Variants in USP10 observed in about 807,000 individuals in gnomAD.
USP10 encodes the protein ubiquitin specific peptidase 10, also known as ubiquitin carboxyl-terminal hydrolase 10.
In USP10, 22 loss-of-function variants were observed where a neutral mutation model predicts 84.5. That is an observed-to-expected ratio of 0.26 (90% CI 0.19 to 0.37). USP10 has a LOEUF of 0.37. Among genes scored for constraint, USP10 ranks in the 10% least tolerant of loss-of-function variants. The pLI is 1.00. For missense variants in USP10, 1,019 were observed against 998.9 expected, an observed-to-expected ratio of 1.02 and a Z score of -0.27; for synonymous variants, 454 against 387.6, an observed-to-expected ratio of 1.17 and a Z score of -2.01.
At chr16:84,754,749 C>T (rs74814974) in intron 4 of USP10, among the ~76,000 whole-genome samples, 3,437 of 152,228 alleles carry the variant, frequency 0.023, 116 homozygotes, top group African/African-American at 0.077. Context: ...GGAAAAAAGT[C>T]GGTTTATAGT....
At chr16:84,707,816 C>T (rs1184124744) in intron 1 of USP10, among the ~76,000 whole-genome samples, 2 of 152,026 alleles carry the variant, frequency 1.3e-5, no homozygotes, top group African/African-American at 2.4e-5. Context: ...GAGTGACTCA[C>T]GCCTGTAATC....
intron 1 of USP10, among the ~76,000 whole-genome samples, chr16:84,702,687 AAGTT>A (rs1597253532): frequency 6.6e-6 from 1 of 152,170 alleles, no homozygotes; most frequent in Admixed American, 6.6e-5. Context: ...GAGGTGGAAA[AAGTT>A]ACAGTTTAAA....
At chr16:84,737,534 G>T (rs1910089737) in intron 2 of USP10, among the ~76,000 whole-genome samples, 1 of 152,204 alleles carries the variant, frequency 6.6e-6, no homozygotes, top group African/African-American at 2.4e-5. Context: ...CATTTCCACA[G>T]TGCCACAACC....
intron 7 of USP10, 95 bp downstream of exon 7, chr16:84,760,041 A>G (rs969008896): frequency 9.8e-6 from 15 of 1,538,382 alleles, no homozygotes; most frequent in Middle Eastern, 3.4e-4. Context: ...TTGGGAAGAT[A>G]GTGTCTTTAC....
chr16:84,746,468 T>G (rs1911239891), intron 4 of USP10, among the ~76,000 whole-genome samples: 1 of 152,352 alleles, frequency 6.6e-6, no homozygotes, highest in South Asian at 2.1e-4. Flanking sequence ...ACTCCCGGGC[T>G]GCAAACCTGT....
intron 10 of USP10, among the ~76,000 whole-genome samples, chr16:84,766,872 A>AC (rs1391508539): frequency 1.3e-5 from 2 of 152,202 alleles, no homozygotes. Flanking sequence ...TTCTTTATTC[A>AC]CACCAATTGA....
At chr16:84,723,027 G>C (rs1359133623) in intron 1 of USP10, among the ~76,000 whole-genome samples, 1 of 152,116 alleles carries the variant, frequency 6.6e-6, no homozygotes, top group Non-Finnish European at 1.5e-5. Context: ...AATACAGGAT[G>C]CATGCCTGCT....
Position 84,772,191 on chromosome 16 carries a change from A to G in USP10, c.1999-350A>G, listed in dbSNP as rs548177344. On this transcript the variant is annotated intron_variant, in intron 11 of 13. Coordinates refer to ENST00000219473, the MANE Select transcript of USP10 (RefSeq NM_005153.3). ...CTCTGCCACCCAGGTAGCTGGGGTT[A>G]CAGGCGCCCACCACCACGCCTGGCT... is the stretch of plus-strand genomic sequence containing the variant. Among the ~76,000 whole-genome samples, 5 of 152,104 alleles carry G rather than the reference A, an allele frequency of 3.3e-5. No individual in the cohort carries two copies. In the East Asian group the frequency reaches 9.7e-4, roughly 30 times the overall value.
intron 2 of USP10, among the ~76,000 whole-genome samples, chr16:84,734,650 T>G (rs540090590): frequency 6.6e-6 from 1 of 152,230 alleles, no homozygotes; most frequent in Non-Finnish European, 1.5e-5. Flanking sequence ...GTCAACTGAA[T>G]TGATTTTTTT....
chr16:84,747,049 G>A (rs1488862273), intron 4 of USP10, among the ~76,000 whole-genome samples: 1 of 152,206 alleles, frequency 6.6e-6, no homozygotes, highest in Admixed American at 6.5e-5. Context: ...TAGGCGGCAG[G>A]ACGTTTCAGT....
intron 4 of USP10, 99 bp from the exon 5 acceptor site, chr16:84,758,617 G>A (rs1912854465): frequency 3.6e-6 from 3 of 836,592 alleles, no homozygotes; most frequent in African/African-American, 1.7e-5. Context: ...TTTACTGAAG[G>A]GATTTTAAAT....
At chr16:84,702,200 G>T (rs1277678799) in intron 1 of USP10, among the ~76,000 whole-genome samples, 1 of 151,500 alleles carries the variant, frequency 6.6e-6, no homozygotes, top group African/African-American at 2.4e-5. Context: ...GGGATTACAG[G>T]CGCCCACCAC....
chr16:84,747,695 C>T (rs923140857), intron 4 of USP10, among the ~76,000 whole-genome samples: 2 of 151,462 alleles, frequency 1.3e-5, no homozygotes, highest in Non-Finnish European at 2.9e-5. Flanking sequence ...TCCCAAGTAG[C>T]TGGGATTACA....
intron 1 of USP10, among the ~76,000 whole-genome samples, chr16:84,711,474 A>G (rs909304614): frequency 2.8e-4 from 43 of 152,342 alleles, no homozygotes; most frequent in Admixed American, 2.2e-3. Context: ...TGTGCATAGC[A>G]TTAAGCCAAT....
intron 5 of USP10, 92 bp downstream of exon 5, chr16:84,758,899 C>G (rs1216579210): frequency 4.5e-6 from 4 of 880,778 alleles, no homozygotes; most frequent in East Asian, 4.8e-5. Context: ...CGTGGGCCAT[C>G]TAGCTCTCCA....
Position 84,763,009 on chromosome 16 carries a change from G to C in USP10, c.1575G>C (p.Glu525Asp). The change falls in exon 9 of 14, where the codon GAG (glutamate) becomes GAC (aspartate). Residue 525 changes from glutamate to aspartate, a missense_variant. Physicochemically the swap from Glu to Asp is conservative, Grantham distance 45. Transcript: ENST00000219473. The part of the protein sequence containing the change: ...LSEKGRQEDA[E>D]EYLGFILNGL... ...TTCAGGGTCGACAAGAAGATGCTGAGGAATACTTAGGCTTCATTCTAAATG... is the reference window on the plus strand; with the variant it reads ...TTCAGGGTCGACAAGAAGATGCTGACGAATACTTAGGCTTCATTCTAAATG... 6.2e-7 allele frequency: 1 copy of C among 1,610,572 alleles called. No homozygotes were observed. Among genetic ancestry groups the C allele is most frequent in the Non-Finnish European group, 8.5e-7 (1 of 1,177,450 alleles).
At chr16:84,765,025 A>G (rs898541191) in intron 10 of USP10, among the ~76,000 whole-genome samples, 2 of 151,096 alleles carry the variant, frequency 1.3e-5, no homozygotes, top group African/African-American at 4.9e-5. Flanking sequence ...CAGTGAGCCA[A>G]GATTACACCA....
chr16:84,737,084 G>A (rs887004763), intron 2 of USP10, among the ~76,000 whole-genome samples: 2 of 152,182 alleles, frequency 1.3e-5, no homozygotes, highest in Non-Finnish European at 2.9e-5. Flanking sequence ...CACCACGCCC[G>A]GCCTAATTTG....
intron 10 of USP10, 58 bp downstream of exon 10, chr16:84,764,321 G>A: frequency 6.2e-7 from 1 of 1,608,388 alleles, no homozygotes; most frequent in African/African-American, 1.3e-5. Flanking sequence ...TGCCATGTTG[G>A]TGAAGGGGGA....
Sources: gnomAD v4.1 joint callset for allele counts (sites outside exome capture counted in the v4.1 genomes callset) on GRCh38, gnomAD v4.1.1 for gene constraint, MANE v1.5 for transcripts, NCBI Gene and HGNC (gene_info 2026-07-23, HGNC 2026-07-21) for gene names.